Variants in TAF3 observed in about 807,000 individuals in gnomAD.
TAF3 encodes transcription initiation factor TFIID subunit 3.
In TAF3, 7 loss-of-function variants were observed where a neutral mutation model predicts 80.6. The ratio of observed to expected loss-of-function variants is 0.09; its 90% confidence interval spans 0.05 to 0.16. TAF3 has a LOEUF of 0.16. Ranked by LOEUF, TAF3 falls within the 10% of genes least tolerant of loss-of-function variation. The pLI is 1.00. For missense variants in TAF3, 921 were observed against 1,140.2 expected (o/e 0.81, Z 2.77); for synonymous variants, 444 against 446.1 (o/e 1.00, Z 0.06).
At chr10:7,858,869 T>G (rs1034929434) in intron 2 of TAF3, among the ~76,000 whole-genome samples, 5 of 152,112 alleles carry the variant, frequency 3.3e-5, no homozygotes, top group African/African-American at 1.2e-4. Context: ...TGAGTGTGCG[T>G]GTGTGCATAT....
chr10:7,936,295 T>A (rs904777587), intron 2 of TAF3, among the ~76,000 whole-genome samples: 1 of 152,212 alleles, frequency 6.6e-6, no homozygotes, highest in Non-Finnish European at 1.5e-5. Flanking sequence ...TTTTGTAATT[T>A]ACTAGGCATT....
At chr10:7,897,184 C>A (rs1330550582) in intron 2 of TAF3, among the ~76,000 whole-genome samples, 3 of 152,210 alleles carry the variant, frequency 2.0e-5, no homozygotes, top group Non-Finnish European at 4.4e-5. Context: ...CATCATCATC[C>A]TGGGAGCACC....
intron 3 of TAF3, among the ~76,000 whole-genome samples, chr10:7,969,012 T>C (rs1485123344): frequency 6.6e-6 from 1 of 152,150 alleles, no homozygotes; most frequent in Non-Finnish European, 1.5e-5. Flanking sequence ...TAACTTTTTA[T>C]AAAACACATG....
At position 7,877,072 on chromosome 10, in the gene TAF3, T is replaced by A. The variant is rs569557102; in HGVS notation, c.409+52512T>A. On this transcript the variant is annotated intron_variant, in intron 2 of 6. Transcript: ENST00000344293. ...TGGAGATTCCACGTCTGAGGTTTATTTTTTACGCTGTTACTGTCCTTTCTT... is the reference window on the plus strand; with the variant it reads ...TGGAGATTCCACGTCTGAGGTTTATATTTTACGCTGTTACTGTCCTTTCTT... Among the ~76,000 whole-genome samples, 8 of 152,228 alleles carry A rather than the reference T, an allele frequency of 5.3e-5. 1 individual carries two copies. The highest frequency in any genetic ancestry group is 1.9e-4 in the African/African-American group (8 of 41,578).
chr10:7,840,582 A>T (rs1397007114), intron 2 of TAF3, among the ~76,000 whole-genome samples: 1 of 151,890 alleles, frequency 6.6e-6, no homozygotes, highest in African/African-American at 2.4e-5. Context: ...GAAATTTAAC[A>T]TTTCTTTATC....
intron 2 of TAF3, among the ~76,000 whole-genome samples, chr10:7,902,528 A>G (rs1469027495): frequency 6.6e-6 from 1 of 152,272 alleles, no homozygotes; most frequent in East Asian, 1.9e-4. Flanking sequence ...ACTCAGGGGA[A>G]AAACGTTTCT....
chr10:7,879,552 C>T (rs1407043766), intron 2 of TAF3, among the ~76,000 whole-genome samples: 3 of 152,152 alleles, frequency 2.0e-5, no homozygotes, highest in Non-Finnish European at 2.9e-5. Context: ...ATTTATTATA[C>T]TAATAAGCCC....
intron 2 of TAF3, among the ~76,000 whole-genome samples, chr10:7,842,618 A>G (rs1189271288): frequency 6.6e-6 from 1 of 152,110 alleles, no homozygotes; most frequent in Non-Finnish European, 1.5e-5. Context: ...AATGGTCACT[A>G]TTGTCATGTC....
intron 2 of TAF3, among the ~76,000 whole-genome samples, chr10:7,829,843 C>A (rs150330949): frequency 0.012 from 1,777 of 152,246 alleles, 29 homozygotes; most frequent in African/African-American, 0.039. Context: ...GGTGGAATAT[C>A]TGCATATGTT....
At chr10:7,930,014 C>T (rs2131196415) in intron 2 of TAF3, among the ~76,000 whole-genome samples, 1 of 152,254 alleles carries the variant, frequency 6.6e-6, no homozygotes, top group East Asian at 1.9e-4. Flanking sequence ...CCAGCCTGGG[C>T]ACGATAGGGA....
chr10:7,956,465 C>A lies in TAF3; in HGVS notation c.410-7455C>A, dbSNP rs576449140. ...TCATGCCACTGCACTCCAGCCTGGG[C>A]AACAGAGTGAGACTCCATCTCAAAA... is the stretch of plus-strand genomic sequence containing the variant. On this transcript the variant is annotated intron_variant, in intron 2 of 6. Coordinates refer to ENST00000344293, the MANE Select transcript of TAF3 (RefSeq NM_031923.4). 3.3e-5 allele frequency among the ~76,000 whole-genome samples: 5 copies of A among 152,218 alleles called. No individual in the cohort carries two copies. The South Asian group carries it at 1.0e-3, about 32-fold the overall frequency.
intron 2 of TAF3, among the ~76,000 whole-genome samples, chr10:7,842,176 G>GTTTTTTTTTTTTT (rs1167047923): frequency 8.5e-4 from 53 of 62,142 alleles, no homozygotes; most frequent in South Asian, 2.5e-3. Flanking sequence ...TTTTTTTTTT[G>GTTTTTTTTTTTTT]TTTTTTTTTT....
At chr10:8,008,825 A>G (rs534619103) in intron 4 of TAF3, among the ~76,000 whole-genome samples, 3 of 152,282 alleles carry the variant, frequency 2.0e-5, no homozygotes, top group South Asian at 2.1e-4. Context: ...TCTGTGAACA[A>G]TGCATGTGTA....
chr10:7,920,235 CA>C (rs1189056007), intron 2 of TAF3, among the ~76,000 whole-genome samples: 3 of 151,146 alleles, frequency 2.0e-5, no homozygotes, highest in African/African-American at 7.3e-5. Context: ...GCCTGCGCGA[CA>C]AAATTTATTT....
chr10:7,895,099 G>C (rs559346789), intron 2 of TAF3, among the ~76,000 whole-genome samples: 1 of 152,202 alleles, frequency 6.6e-6, no homozygotes, highest in African/African-American at 2.4e-5. Flanking sequence ...TCCTGACCTT[G>C]GGTGATCCGC....
At chr10:7,862,372 G>A in intron 2 of TAF3, among the ~76,000 whole-genome samples, 1 of 152,018 alleles carries the variant, frequency 6.6e-6, no homozygotes, top group East Asian at 1.9e-4. Flanking sequence ...TTTGTTTTTT[G>A]TTTCAGCAGG....
chr10:7,926,585 C>T (rs1837817148), intron 2 of TAF3, among the ~76,000 whole-genome samples: 1 of 152,110 alleles, frequency 6.6e-6, no homozygotes, highest in East Asian at 1.9e-4. Context: ...GAGTTATTGT[C>T]TGTTATGGAG....
At chr10:7,980,910 A>G (rs7101294) in intron 4 of TAF3, among the ~76,000 whole-genome samples, 76,277 of 151,932 alleles carry the variant, frequency 0.5, 19,423 homozygotes, top group Admixed American at 0.58. Context: ...TTTTGAGCAA[A>G]TGTAGGTAGA....
At chr10:7,901,506 T>G (rs956159796) in intron 2 of TAF3, among the ~76,000 whole-genome samples, 4 of 152,254 alleles carry the variant, frequency 2.6e-5, no homozygotes, top group African/African-American at 9.6e-5. Flanking sequence ...CTACTTTCCT[T>G]TGAAATTGGG....
Sources: allele counts gnomAD v4.1 joint callset (sites outside exome capture counted in the v4.1 genomes callset), GRCh38; gene constraint gnomAD v4.1.1; transcripts MANE v1.5; gene names NCBI Gene and HGNC (gene_info 2026-07-23, HGNC 2026-07-21).